The following NRXN3 variants were observed in gnomAD, a reference collection of about 807,000 sequenced individuals.
The protein encoded by NRXN3 is neurexin III.
Under a neutral mutation model 137.6 loss-of-function variants are expected in NRXN3, and 32 were observed. The observed-to-expected ratio is 0.23, with a 90% CI of 0.18 to 0.31. The LOEUF (loss-of-function observed/expected upper bound fraction) is 0.31. Ranked by LOEUF, NRXN3 falls within the 10% of genes least tolerant of loss-of-function variation. NRXN3 has a pLI of 1.00. For missense variants in NRXN3, 1,574 were observed against 2,062.5 expected, an observed-to-expected ratio of 0.76 and a Z score of 4.59; for synonymous variants, 798 against 784.5, an observed-to-expected ratio of 1.02 and a Z score of -0.29.
At chr14:78,535,956 T>C (rs190857478) in intron 4 of NRXN3, among the ~76,000 whole-genome samples, 40 of 152,274 alleles carry the variant, frequency 2.6e-4, no homozygotes, top group Admixed American at 2.4e-3. Flanking sequence ...AGACTTTTTT[T>C]TTAATCGTGT....
At chr14:79,127,461 G>C (rs914095844) in intron 15 of NRXN3, among the ~76,000 whole-genome samples, 3 of 152,088 alleles carry the variant, frequency 2.0e-5, no homozygotes, top group Non-Finnish European at 4.4e-5. Context: ...GTTTTTCTCA[G>C]GTTTGTCAAA....
At chr14:78,582,977 G>A (rs1272162333) in intron 4 of NRXN3, among the ~76,000 whole-genome samples, 1 of 151,776 alleles carries the variant, frequency 6.6e-6, no homozygotes, top group African/African-American at 2.4e-5. Flanking sequence ...ACCCCTTTTT[G>A]CCTTTATAAA....
chr14:79,728,087 C>T (rs778909638), intron 19 of NRXN3, among the ~76,000 whole-genome samples: 12 of 152,128 alleles, frequency 7.9e-5, no homozygotes, highest in East Asian at 3.9e-4. Flanking sequence ...TTACACAACC[C>T]GACTTCTGTT....
intron 10 of NRXN3, among the ~76,000 whole-genome samples, chr14:78,873,343 G>T (rs550712302): frequency 6.6e-6 from 1 of 152,162 alleles, no homozygotes; most frequent in African/African-American, 2.4e-5. Flanking sequence ...GTAGGATTTT[G>T]AAAGAAAATA....
intron 10 of NRXN3, among the ~76,000 whole-genome samples, chr14:78,925,876 T>A (rs1339253019): frequency 6.6e-6 from 1 of 152,170 alleles, no homozygotes; most frequent in East Asian, 1.9e-4. Context: ...CTGCTTCTTC[T>A]CTGAAAAGGG....
chr14:78,543,238 T>C (rs1471660741), intron 4 of NRXN3, among the ~76,000 whole-genome samples: 1 of 152,186 alleles, frequency 6.6e-6, no homozygotes, highest in East Asian at 1.9e-4. Flanking sequence ...TATGAATTGA[T>C]GCATTCATGA....
chr14:79,034,593 A>G (rs1390011772), intron 15 of NRXN3, among the ~76,000 whole-genome samples: 1 of 152,146 alleles, frequency 6.6e-6, no homozygotes, highest in Non-Finnish European at 1.5e-5. Context: ...TGTAAAATCT[A>G]AAGTACTAGG....
chr14:78,829,595 G>GA (rs1262807608), intron 10 of NRXN3, among the ~76,000 whole-genome samples: 20 of 152,032 alleles, frequency 1.3e-4, no homozygotes, highest in Non-Finnish European at 5.9e-5. Flanking sequence ...TAGACTGGGG[G>GA]AAAAAATTAT....
intron 1 of NRXN3, among the ~76,000 whole-genome samples, chr14:78,239,434 G>A (rs1359914729): frequency 6.6e-6 from 1 of 152,140 alleles, no homozygotes; most frequent in African/African-American, 2.4e-5. Context: ...TTGAGATGTT[G>A]CCCTTTGACT....
intron 16 of NRXN3, among the ~76,000 whole-genome samples, chr14:79,582,395 G>C (rs1423042491): frequency 6.6e-6 from 1 of 151,974 alleles, no homozygotes; most frequent in Non-Finnish European, 1.5e-5. Context: ...TTTTTGTTTG[G>C]TTTTGTTTAT....
chr14:78,926,297 T>C (rs1336448035), intron 10 of NRXN3, among the ~76,000 whole-genome samples: 1 of 152,016 alleles, frequency 6.6e-6, no homozygotes, highest in East Asian at 1.9e-4. Flanking sequence ...ATTAAAAAAA[T>C]AGAACAACTG....
Position 79,631,020 on chromosome 14 carries a change from C to T in NRXN3, c.3445-32758C>T, listed in dbSNP as rs374563184. ...CAGCACTCTGATTTTAGCCAAGGAA[C>T]TAACAACCGTTGTGTAATGCACTAG... is the stretch of plus-strand genomic sequence containing the variant. On this transcript the variant is annotated intron_variant, in intron 16 of 20. Coordinates refer to ENST00000335750, the MANE Select transcript of NRXN3 (RefSeq NM_001330195.2). Among the ~76,000 whole-genome samples the T allele has an allele frequency of 4.6e-5, 7 of 152,160 alleles. No homozygotes were observed. In the East Asian group the frequency reaches 1.2e-3, roughly 25 times the overall value.
chr14:79,369,421 G>A (rs1415559082), intron 15 of NRXN3, among the ~76,000 whole-genome samples: 1 of 152,190 alleles, frequency 6.6e-6, no homozygotes, highest in African/African-American at 2.4e-5. Context: ...AATGTCCATG[G>A]TGTATAACAA....
intron 1 of NRXN3, among the ~76,000 whole-genome samples, chr14:78,192,065 AGTGTGTGTGTGTGTGTGTGTGT>A (rs34445474): frequency 7.0e-6 from 1 of 142,858 alleles, no homozygotes; most frequent in African/African-American, 2.6e-5. Flanking sequence ...GCTGCCCGAA[AGTGTGTGTGTGTGTGTGTGTGT>A]GTGTGTGTGT....
chr14:79,781,927 C>CA (rs1177019089), intron 19 of NRXN3, among the ~76,000 whole-genome samples: 1 of 152,188 alleles, frequency 6.6e-6, no homozygotes, highest in Non-Finnish European at 1.5e-5. Flanking sequence ...TATGCTGCCT[C>CA]AAATGCTTTG....
intron 15 of NRXN3, among the ~76,000 whole-genome samples, chr14:79,052,360 G>C (rs2099643195): frequency 1.3e-5 from 2 of 152,170 alleles, no homozygotes; most frequent in African/African-American, 2.4e-5. Context: ...AGTTCATGTT[G>C]TTACAAAGAA....
At chr14:78,582,136 C>T (rs35524869) in intron 4 of NRXN3, among the ~76,000 whole-genome samples, 3,297 of 152,288 alleles carry the variant, frequency 0.022, 40 homozygotes, top group Non-Finnish European at 0.025. Context: ...CTCATGGTTT[C>T]CTGCAGCTGC....
intron 4 of NRXN3, among the ~76,000 whole-genome samples, chr14:78,318,919 G>A (rs1009282856): frequency 6.6e-6 from 1 of 152,190 alleles, no homozygotes; most frequent in Non-Finnish European, 1.5e-5. Context: ...ATGTGCACCC[G>A]AATCATCTGG....
At chr14:79,583,619 A>G (rs1161310713) in intron 16 of NRXN3, among the ~76,000 whole-genome samples, 1 of 152,178 alleles carries the variant, frequency 6.6e-6, no homozygotes, top group Non-Finnish European at 1.5e-5. Flanking sequence ...TATGAACTTA[A>G]GATTATACTC....
Sources: gnomAD v4.1 joint callset for allele counts (sites outside exome capture counted in the v4.1 genomes callset) on GRCh38, gnomAD v4.1.1 for gene constraint, MANE v1.5 for transcripts, NCBI Gene and HGNC (gene_info 2026-07-23, HGNC 2026-07-21) for gene names.